Variants in ZMYM5 observed in about 807,000 individuals in gnomAD.
ZMYM5 encodes zinc finger MYM-type protein 5.
In ZMYM5, 41 loss-of-function variants were observed where a neutral mutation model predicts 61.8. The observed-to-expected ratio is 0.66, with a 90% CI of 0.52 to 0.86. The LOEUF is 0.86. Ranked by LOEUF, ZMYM5 falls within the 40% of genes least tolerant of loss-of-function variation. ZMYM5 has a pLI of 0.00. For synonymous variants in ZMYM5, 257 were observed against 276.4 expected (o/e 0.93, Z 0.70); for missense variants, 706 against 786.7 (o/e 0.90, Z 1.23).
intron 1 of ZMYM5, among the ~76,000 whole-genome samples, chr13:19,862,735 G>C (rs974116681): frequency 6.6e-6 from 1 of 152,238 alleles, no homozygotes; most frequent in Non-Finnish European, 1.5e-5. Context: ...ACGGGAGAGG[G>C]AAGGGTAAAC....
chr13:19,839,662 C>T (rs1952795331), intron 4 of ZMYM5, among the ~76,000 whole-genome samples: 2 of 152,182 alleles, frequency 1.3e-5, no homozygotes, highest in African/African-American at 2.4e-5. Context: ...AGGCGTGAGC[C>T]ACCACTCCCA....
Position 19,825,079 on chromosome 13 carries a change from G to A in ZMYM5, c.1408C>T (p.Gln470Ter). 7.3e-7 allele frequency: 1 copy of A among 1,367,504 alleles called. No homozygotes were observed. Among genetic ancestry groups the A allele is most frequent in the South Asian group, 1.1e-5 (1 of 88,004 alleles). 84.7% of individuals were successfully genotyped at this position (1,367,504 alleles called of 1,614,324 possible). Residue 470 changes from glutamine (Q) to a stop codon, truncating the protein, a stop_gained, in exon 8 of 8, where the codon CAG (glutamine) becomes TAG (stop). Coordinates refer to ENST00000337963, the MANE Select transcript of ZMYM5 (RefSeq NM_001142684.2). LOFTEE classifies it high-confidence loss of function. ...TCCGTGCCACATTCTACTGAAAGCT[G>A]TAGCTGTGAAGTCTTTTCCTTTTTT... ...PEKKEKTSQLQLSVECGTDTL... is the reference protein window; with the variant it reads ...PEKKEKTSQL
intron 2 of ZMYM5, among the ~76,000 whole-genome samples, chr13:19,858,338 G>A (rs1468439303): frequency 5.3e-5 from 8 of 151,832 alleles, no homozygotes; most frequent in Non-Finnish European, 1.0e-4. Flanking sequence ...TAATCCCAGC[G>A]CTTTGGGAGG....
At chr13:19,859,250 C>G (rs370744707) in intron 2 of ZMYM5, among the ~76,000 whole-genome samples, 1 of 152,098 alleles carries the variant, frequency 6.6e-6, no homozygotes, top group Non-Finnish European at 1.5e-5. Context: ...CTCTTCCCTG[C>G]GGAACTAAGA....
chr13:19,838,535 G>A (rs1477698042), intron 5 of ZMYM5, among the ~76,000 whole-genome samples, 165 bp downstream of exon 5: 2 of 152,130 alleles, frequency 1.3e-5, no homozygotes, highest in South Asian at 2.1e-4. Context: ...CAGCACATAC[G>A]AGTCCACAGC....
chr13:19,844,617 C>T (rs1447750366), intron 4 of ZMYM5, among the ~76,000 whole-genome samples: 1 of 152,102 alleles, frequency 6.6e-6, no homozygotes, highest in Non-Finnish European at 1.5e-5. Context: ...GTTTACAGTA[C>T]AGAAAAAGAA....
chr13:19,841,695 C>A, intron 4 of ZMYM5: 1 of 144,844 alleles, frequency 6.9e-6, no homozygotes, highest in East Asian at 2.0e-4. Flanking sequence ...CTCTCATGAG[C>A]TTTTTTTTTT....
chr13:19,859,990 G>A (rs139754874), intron 2 of ZMYM5, among the ~76,000 whole-genome samples: 1,493 of 146,056 alleles, frequency 0.01, 32 homozygotes, highest in African/African-American at 0.035. Context: ...TATAGTCTCA[G>A]CTACTCAGGA....
Position 19,823,602 on chromosome 13 carries a change from C to A in ZMYM5, c.*875G>T, listed in dbSNP as rs1042259517. Reference sequence around the variant, plus strand: ...TTACAAATTAAAATAAACATAAAACCAATAAAATGGAAATTAACCATCATT... The same window carrying A: ...TTACAAATTAAAATAAACATAAAACAAATAAAATGGAAATTAACCATCATT... On this transcript the variant is annotated 3_prime_UTR_variant, in exon 8 of 8. Transcript: ENST00000337963. 1 of 151,638 alleles carries A rather than the reference C, an allele frequency of 6.6e-6. No homozygotes were observed. The highest frequency in any genetic ancestry group is 2.4e-5 in the African/African-American group (1 of 41,278). 9.4% of individuals were successfully genotyped at this position (151,638 alleles called of 1,614,324 possible). A position where few individuals can be genotyped will look rare whatever the true frequency, so the allele number is the denominator to read the frequency against.
intron 3 of ZMYM5, 56 bp downstream of exon 3, chr13:19,851,633 A>T (rs549950113): frequency 6.5e-7 from 1 of 1,547,940 alleles, no homozygotes; most frequent in South Asian, 1.3e-5. Context: ...ATTAGTAATA[A>T]TGTATTTCAG....
At chr13:19,846,222 G>C (rs1451494057) in intron 4 of ZMYM5, among the ~76,000 whole-genome samples, 1 of 152,124 alleles carries the variant, frequency 6.6e-6, no homozygotes, top group East Asian at 1.9e-4. Flanking sequence ...TTAATTTTCT[G>C]TATGACAAAC....
At chr13:19,833,221 C>T (rs1952579739) in intron 7 of ZMYM5, among the ~76,000 whole-genome samples, 1 of 152,154 alleles carries the variant, frequency 6.6e-6, no homozygotes, top group Non-Finnish European at 1.5e-5. Flanking sequence ...TTCAGGGTTA[C>T]TTTCCCTTGA....
intron 2 of ZMYM5, among the ~76,000 whole-genome samples, chr13:19,860,940 G>A (rs1351640101): frequency 2.2e-5 from 3 of 136,672 alleles, no homozygotes; most frequent in African/African-American, 8.9e-5. Flanking sequence ...GCGCACGTGT[G>A]TGTGTGTGTG....
chr13:19,828,559 A>G (rs988782623), intron 7 of ZMYM5, among the ~76,000 whole-genome samples: 1 of 152,190 alleles, frequency 6.6e-6, no homozygotes, highest in African/African-American at 2.4e-5. Flanking sequence ...CTTTGGAAAG[A>G]TTGCTCTAAT....
chr13:19,855,947 C>T (rs374901612), intron 2 of ZMYM5, among the ~76,000 whole-genome samples: 3 of 151,368 alleles, frequency 2.0e-5, no homozygotes, highest in African/African-American at 7.3e-5. Flanking sequence ...ACCCAGGAGG[C>T]GGAGCTTGCA....
intron 7 of ZMYM5, among the ~76,000 whole-genome samples, chr13:19,832,047 G>A (rs916503522): frequency 5.9e-5 from 9 of 151,562 alleles, no homozygotes; most frequent in Middle Eastern, 3.4e-3. Context: ...TTGTAGAAAC[G>A]GAGTTTCACC....
intron 2 of ZMYM5, among the ~76,000 whole-genome samples, chr13:19,858,638 TC>T (rs1308604386): frequency 4.0e-5 from 6 of 149,460 alleles, no homozygotes; most frequent in Admixed American, 3.3e-4. Flanking sequence ...ACAACTAACT[TC>T]GTTCCCTTCC....
At chr13:19,826,755 G>GT (rs1178546787) in intron 7 of ZMYM5, among the ~76,000 whole-genome samples, 1 of 132,718 alleles carries the variant, frequency 7.5e-6, no homozygotes, top group Non-Finnish European at 1.6e-5. Context: ...ACTCCGTCTC[G>GT]TTAAAAAAAA....
intron 2 of ZMYM5, among the ~76,000 whole-genome samples, chr13:19,858,734 G>A (rs1482969501): frequency 6.6e-6 from 1 of 152,064 alleles, no homozygotes; most frequent in Non-Finnish European, 1.5e-5. Flanking sequence ...AGAACAGATG[G>A]ATGAATGGTT....
Sources: allele counts gnomAD v4.1 joint callset (sites outside exome capture counted in the v4.1 genomes callset), GRCh38; gene constraint gnomAD v4.1.1; transcripts MANE v1.5; gene names NCBI Gene and HGNC (gene_info 2026-07-23, HGNC 2026-07-21).